DLC1: variants seen among roughly 807,000 people sequenced by gnomAD.
The protein encoded by DLC1 is rho GTPase-activating protein 7.
In DLC1, 54 loss-of-function variants were observed where a neutral mutation model predicts 140.3. The ratio of observed to expected loss-of-function variants is 0.38; its 90% CI spans 0.31 to 0.48. The LOEUF (loss-of-function observed/expected upper bound fraction) is 0.48, where lower values mean the gene tolerates loss of function less well. Ranked by LOEUF, DLC1 falls within the 20% of genes least tolerant of loss-of-function variation. DLC1 has a pLI of 0.96. For missense variants in DLC1, 2,536 were observed against 1,907.0 expected (o/e 1.33, Z -6.14); for synonymous variants, 986 against 728.1 (o/e 1.35, Z -5.70).
chr8:13,109,225 T>G (rs1041493758), intron 7 of DLC1, among the ~76,000 whole-genome samples: 1 of 152,018 alleles, frequency 6.6e-6, no homozygotes, highest in African/African-American at 2.4e-5. Flanking sequence ...AAAGAAATAC[T>G]GGGTGTCATT....
chr8:13,320,059 C>A (rs1833031208), intron 4 of DLC1, among the ~76,000 whole-genome samples: 1 of 152,064 alleles, frequency 6.6e-6, no homozygotes, highest in Admixed American at 6.5e-5. Context: ...GATCCGCCCG[C>A]CTTGGCCTCC....
At chr8:13,383,634 A>G (rs115065358) in intron 4 of DLC1, among the ~76,000 whole-genome samples, 2,533 of 152,248 alleles carry the variant, frequency 0.017, 95 homozygotes, top group African/African-American at 0.057. Flanking sequence ...CTTTTCCAAC[A>G]TTGAACAGGG....
chr8:13,488,443 T>C (rs900877332), intron 2 of DLC1, among the ~76,000 whole-genome samples: 1 of 152,184 alleles, frequency 6.6e-6, no homozygotes, highest in Non-Finnish European at 1.5e-5. Flanking sequence ...ATCTAGATAA[T>C]TGTTTAAAAT....
intron 1 of DLC1, among the ~76,000 whole-genome samples, chr8:13,525,389 A>T (rs568098461): frequency 6.6e-6 from 1 of 152,292 alleles, no homozygotes; most frequent in East Asian, 1.9e-4. Context: ...TTTGGTAGCC[A>T]TATTTTTACC....
At chr8:13,317,952 T>A (rs557264495) in intron 4 of DLC1, among the ~76,000 whole-genome samples, 16 of 152,342 alleles carry the variant, frequency 1.1e-4, no homozygotes, top group African/African-American at 3.6e-4. Flanking sequence ...ACTGTAACTC[T>A]GTACTTGTTC....
chr8:13,553,237 T>C (rs1320403969), intron 1 of DLC1, among the ~76,000 whole-genome samples: 3 of 137,754 alleles, frequency 2.2e-5, no homozygotes, highest in South Asian at 2.3e-4. Flanking sequence ...TGTATATATA[T>C]ATATATATAT....
chr8:13,377,220 T>G (rs142281661), intron 4 of DLC1, among the ~76,000 whole-genome samples: 40 of 152,324 alleles, frequency 2.6e-4, no homozygotes, highest in African/African-American at 9.1e-4. Context: ...GACTGACACA[T>G]AAGATTTCCA....
At chr8:13,181,800 T>G (rs1187856511) in intron 5 of DLC1, among the ~76,000 whole-genome samples, 1 of 152,174 alleles carries the variant, frequency 6.6e-6, no homozygotes, top group Non-Finnish European at 1.5e-5. Flanking sequence ...TAAACATACA[T>G]GTACATGTGT....
At position 13,449,829 on chromosome 8, in the gene DLC1, C is replaced by T. The variant is rs568379087; in HGVS notation, c.1024-48210G>A. On this transcript the variant is annotated intron_variant, in intron 2 of 17. Coordinates refer to ENST00000276297, the MANE Select transcript of DLC1 (RefSeq NM_182643.3). ...AAACTTAAAGTATAATAAAAAAAAT[C>T]CTGTGTTTCCATTTTGCATCTTGGT... 1.1e-4 allele frequency among the ~76,000 whole-genome samples: 17 copies of T among 152,016 alleles called. 1 individual carries two copies. Among genetic ancestry groups the T allele is most frequent in the African/African-American group, 3.1e-4 (13 of 41,494 alleles).
At chr8:13,227,355 A>G (rs1585956852) in intron 5 of DLC1, among the ~76,000 whole-genome samples, 2 of 152,292 alleles carry the variant, frequency 1.3e-5, no homozygotes, top group East Asian at 3.9e-4. Flanking sequence ...GCCCAAATCC[A>G]GATCATTTAA....
chr8:13,337,733 C>G (rs930615091), intron 4 of DLC1, among the ~76,000 whole-genome samples: 10 of 152,054 alleles, frequency 6.6e-5, no homozygotes, highest in African/African-American at 2.4e-4. Flanking sequence ...CGTTTTGGTA[C>G]AATAAAGCTG....
At chr8:13,583,079 T>C (rs1585301811) in intron 1 of DLC1, among the ~76,000 whole-genome samples, 1 of 151,658 alleles carries the variant, frequency 6.6e-6, no homozygotes, top group African/African-American at 2.4e-5. Context: ...ATCAGGGTGG[T>C]GGTGGCCGAA....
At chr8:13,351,629 T>C (rs570197688) in intron 4 of DLC1, among the ~76,000 whole-genome samples, 1 of 152,350 alleles carries the variant, frequency 6.6e-6, no homozygotes, top group South Asian at 2.1e-4. Context: ...GGTTTGTTTA[T>C]GTATTGTTTA....
At chr8:13,470,194 A>G (rs953773171) in intron 2 of DLC1, among the ~76,000 whole-genome samples, 4 of 152,236 alleles carry the variant, frequency 2.6e-5, no homozygotes, top group African/African-American at 4.8e-5. Context: ...ATCTGACTAC[A>G]TAAGTTAAAA....
chr8:13,099,989 T>C lies in DLC1; in HGVS notation c.2348A>G (p.Asn783Ser), dbSNP rs139243841. The change falls in exon 9 of 18, where the codon AAT becomes AGT. Residue 783 changes from asparagine (N) to serine (S), a missense_variant. Transcript: ENST00000276297. ...GMYLEGFDPF[N>S]QSTFNNVVEQ... ...CACCACGTTGTTAAATGTTGACTGATTGAAAGGATCGAAGCCCTCTAAGTA... is the reference window on the plus strand; with the variant it reads ...CACCACGTTGTTAAATGTTGACTGACTGAAAGGATCGAAGCCCTCTAAGTA... 1.7e-4 allele frequency: 277 copies of C among 1,612,582 alleles called. 2 individuals are homozygous for C. Among genetic ancestry groups the C allele is most frequent in the South Asian group, 6.8e-4 (62 of 91,084 alleles).
At chr8:13,207,369 T>C (rs1827717311) in intron 5 of DLC1, among the ~76,000 whole-genome samples, 1 of 152,176 alleles carries the variant, frequency 6.6e-6, no homozygotes. Flanking sequence ...AAAAAAGTTG[T>C]ATTTTGTCCG....
chr8:13,552,330 G>A (rs1423751803), intron 1 of DLC1, among the ~76,000 whole-genome samples: 1 of 149,366 alleles, frequency 6.7e-6, no homozygotes. Context: ...CATGTTTATT[G>A]GATCTGACTG....
chr8:13,591,163 A>C (rs1327690892), intron 1 of DLC1, among the ~76,000 whole-genome samples: 3 of 152,124 alleles, frequency 2.0e-5, no homozygotes, highest in African/African-American at 7.2e-5. Flanking sequence ...GGAGATATTA[A>C]AAATAGAATG....
At chr8:13,280,459 G>T (rs190471405) in intron 5 of DLC1, among the ~76,000 whole-genome samples, 1 of 152,250 alleles carries the variant, frequency 6.6e-6, no homozygotes, top group East Asian at 1.9e-4. Flanking sequence ...AGAGGTTCTA[G>T]TCTGTATCCT....
Sources: gnomAD v4.1 joint callset for allele counts (sites outside exome capture counted in the v4.1 genomes callset) on GRCh38, gnomAD v4.1.1 for gene constraint, MANE v1.5 for transcripts, NCBI Gene and HGNC (gene_info 2026-07-23, HGNC 2026-07-21) for gene names.